The following TMEM232 variants were observed in gnomAD, a reference collection of about 807,000 sequenced individuals.
TMEM232 encodes transmembrane protein 232.
In TMEM232, 80 loss-of-function variants were observed where a neutral mutation model predicts 78.8. That is an observed-to-expected ratio of 1.01 (90% CI 0.85 to 1.22). The LOEUF is 1.22. TMEM232 is among the 50% of genes most tolerant of loss of function. The probability of loss-of-function intolerance (pLI) is 0.00; values close to 1 mark genes in which losing one functional copy is unlikely to be tolerated. For synonymous variants in TMEM232, 297 were observed against 254.3 expected, an observed-to-expected ratio of 1.17 and a Z score of -1.60; for missense variants, 881 against 742.2, an observed-to-expected ratio of 1.19 and a Z score of -2.17.
chr5:110,439,007 T>G (rs970296248), intron 12 of TMEM232, among the ~76,000 whole-genome samples: 5 of 152,180 alleles, frequency 3.3e-5, no homozygotes, highest in African/African-American at 1.2e-4. Context: ...TAAGATATTT[T>G]TATCTCAATT....
At chr5:110,719,666 G>T (rs1197984593) in intron 1 of TMEM232, among the ~76,000 whole-genome samples, 1 of 151,966 alleles carries the variant, frequency 6.6e-6, no homozygotes, top group Admixed American at 6.6e-5. Context: ...ACTTGGCTAG[G>T]ATATTTTAGT....
chr5:110,445,585 T>TAAC lies in TMEM232; in HGVS notation c.1704-20672_1704-20670dup, dbSNP rs150351009. Among the ~76,000 whole-genome samples, 1,418 of 152,192 alleles carry TAAC rather than the reference T, an allele frequency of 9.3e-3. 23 individuals carry two copies. Among genetic ancestry groups the TAAC allele is most frequent in the African/African-American group, 0.033 (1,359 of 41,508 alleles). On this transcript the variant is annotated intron_variant, in intron 12 of 13. Transcript: ENST00000455884. ...GCTGCATAACAAATTACCCCATAAT[T>TAAC]AACAACTTAAAACAAAAAACATTTA...
chr5:110,578,000 C>A (rs2149715596), intron 10 of TMEM232, among the ~76,000 whole-genome samples: 1 of 151,558 alleles, frequency 6.6e-6, no homozygotes. Context: ...ACCTATGTAA[C>A]AAAACTGTAC....
At position 110,473,373 on chromosome 5, in the gene TMEM232, C is replaced by T. The variant is rs180815788; in HGVS notation, c.1704-48457G>A. On this transcript the variant is annotated intron_variant, in intron 12 of 13. Transcript: ENST00000455884. Reference sequence around the variant, plus strand: ...ATCAGGAAAATGCAACTCAAAACCACAGTGAGATATCACCGCCCTCCAGAT... The same window carrying T: ...ATCAGGAAAATGCAACTCAAAACCATAGTGAGATATCACCGCCCTCCAGAT... Among the ~76,000 whole-genome samples the T allele has an allele frequency of 2.6e-5, 4 of 151,908 alleles. No individual in the cohort carries two copies. In the East Asian group the frequency reaches 7.7e-4, roughly 29 times the overall value.
chr5:110,416,631 A>G (rs950413359), downstream of TMEM232, among the ~76,000 whole-genome samples: 2 of 152,210 alleles, frequency 1.3e-5, no homozygotes, highest in Non-Finnish European at 2.9e-5. Context: ...TCTCAACTAG[A>G]AGCAATATGA....
intron 10 of TMEM232, among the ~76,000 whole-genome samples, chr5:110,573,834 C>A (rs527387289): frequency 1.2e-4 from 18 of 151,978 alleles, no homozygotes; most frequent in Non-Finnish European, 2.5e-4. Context: ...GGCTTTGAAC[C>A]TAGAATAGCT....
chr5:110,670,498 G>T (rs1298327475), intron 1 of TMEM232, among the ~76,000 whole-genome samples: 2 of 152,124 alleles, frequency 1.3e-5, no homozygotes, highest in Non-Finnish European at 2.9e-5. Context: ...CAAACAAATG[G>T]AAGAACATTC....
intron 3 of TMEM232, among the ~76,000 whole-genome samples, chr5:110,397,318 A>G (rs1464412281): frequency 6.6e-6 from 1 of 152,178 alleles, no homozygotes. Context: ...TATGGTAGCT[A>G]TTACTGCAAA....
chr5:110,589,501 G>A (rs1450986328), intron 10 of TMEM232, among the ~76,000 whole-genome samples: 1 of 152,116 alleles, frequency 6.6e-6, no homozygotes, highest in African/African-American at 2.4e-5. Context: ...TTCATTGAAT[G>A]GACCATCTAG....
chr5:110,519,416 A>G (rs1387459783), intron 12 of TMEM232, among the ~76,000 whole-genome samples: 1 of 152,204 alleles, frequency 6.6e-6, no homozygotes, highest in Non-Finnish European at 1.5e-5. Context: ...TAAAATGACA[A>G]TGAGATATCA....
chr5:110,610,525 G>A (rs1782127869), intron 8 of TMEM232: 2 of 456,056 alleles, frequency 4.4e-6, no homozygotes, highest in Non-Finnish European at 8.8e-6. Context: ...TAGACCAGCA[G>A]CCATAGTATT....
intron 10 of TMEM232, among the ~76,000 whole-genome samples, chr5:110,590,594 T>G (rs1779392819): frequency 6.6e-6 from 1 of 152,096 alleles, no homozygotes; most frequent in Non-Finnish European, 1.5e-5. Context: ...AAAAACTGCC[T>G]TCCAGGAAAC....
chr5:110,572,413 G>C (rs1022360981), intron 10 of TMEM232, among the ~76,000 whole-genome samples: 3 of 151,814 alleles, frequency 2.0e-5, no homozygotes, highest in Non-Finnish European at 4.4e-5. Context: ...ATAAGTTTTT[G>C]AACAATATTA....
chr5:110,655,818 A>T (rs909402695), intron 2 of TMEM232, among the ~76,000 whole-genome samples: 5 of 150,286 alleles, frequency 3.3e-5, no homozygotes, highest in Admixed American at 6.7e-5. Flanking sequence ...AAAAAACCAA[A>T]CACTGCATGT....
chr5:110,620,517 G>A (rs1273898667), intron 7 of TMEM232, among the ~76,000 whole-genome samples: 1 of 148,896 alleles, frequency 6.7e-6, no homozygotes, highest in Non-Finnish European at 1.5e-5. Context: ...TCCTCTAGTA[G>A]ATTCCTTCTA....
intron 12 of TMEM232, among the ~76,000 whole-genome samples, chr5:110,521,734 G>C (rs10036820): frequency 0.029 from 4,455 of 152,108 alleles, 225 homozygotes; most frequent in African/African-American, 0.1. Flanking sequence ...TATATTCTTG[G>C]AAACCTTGTC....
chr5:110,544,826 T>C (rs1488939971), intron 11 of TMEM232, among the ~76,000 whole-genome samples: 2 of 152,124 alleles, frequency 1.3e-5, no homozygotes, highest in Non-Finnish European at 1.5e-5. Flanking sequence ...AAAATTATAG[T>C]CACTGGACCA....
chr5:110,712,031 G>A (rs1455262642), intron 1 of TMEM232, among the ~76,000 whole-genome samples: 1 of 150,640 alleles, frequency 6.6e-6, no homozygotes, highest in Non-Finnish European at 1.5e-5. Context: ...GAACCCGGGA[G>A]GCAGAGCTTG....
chr5:110,662,630 G>C (rs1396224485), intron 2 of TMEM232, among the ~76,000 whole-genome samples: 2 of 152,064 alleles, frequency 1.3e-5, no homozygotes, highest in Non-Finnish European at 2.9e-5. Context: ...CGTTGGTGTG[G>C]AATTAGACAA....
Sources: allele counts gnomAD v4.1 joint callset (sites outside exome capture counted in the v4.1 genomes callset), GRCh38; gene constraint gnomAD v4.1.1; transcripts MANE v1.5; gene names NCBI Gene and HGNC (gene_info 2026-07-23, HGNC 2026-07-21).